Variants in SVEP1 observed in about 807,000 individuals in gnomAD.
SVEP1 encodes sushi, von Willebrand factor type A, EGF and pentraxin domain-containing protein 1.
Under a neutral mutation model 367.3 loss-of-function variants are expected in SVEP1, and 164 were observed. The ratio of observed to expected loss-of-function variants is 0.45; its 90% CI spans 0.39 to 0.51. The LOEUF is 0.51. SVEP1 is among the 20% of genes least tolerant of loss of function. The pLI is 0.00. For missense variants in SVEP1, 4,117 were observed against 4,425.3 expected, an observed-to-expected ratio of 0.93 and a Z score of 1.98; for synonymous variants, 1,666 against 1,611.6, an observed-to-expected ratio of 1.03 and a Z score of -0.81.
rs749231540 is a variant in SVEP1 at position 110,406,523 on chromosome 9, T to C, written c.9077A>G (p.Lys3026Arg). 2 of 1,613,596 alleles carry C rather than the reference T, an allele frequency of 1.2e-6. No homozygotes were observed. Among genetic ancestry groups the C allele is most frequent in the Admixed American group, 1.7e-5 (1 of 59,984 alleles). ...TTTGAAGCACTGAATCCGGGCTGCC[T>C]TTCCACAGTCAAAATCTGTCCCATT... ...TVNGTDFDCG[K>R]AARIQCFKGF... Residue 3026 changes from lysine to arginine, a missense_variant, in exon 38 of 48, where the codon AAG becomes AGG. Coordinates refer to ENST00000374469, the MANE Select transcript of SVEP1 (RefSeq NM_153366.4).
intron 17 of SVEP1, 97 bp downstream of exon 17, chr9:110,468,843 G>A (rs1828976192): frequency 8.0e-7 from 1 of 1,244,170 alleles, no homozygotes; most frequent in Non-Finnish European, 1.1e-6. Flanking sequence ...CCTCAGACAA[G>A]AGCCGAGTGT....
intron 24 of SVEP1, among the ~76,000 whole-genome samples, chr9:110,448,101 G>A (rs1163302265): frequency 2.6e-5 from 4 of 152,130 alleles, no homozygotes; most frequent in Admixed American, 6.5e-5. Flanking sequence ...ACTGCAGGAC[G>A]GTGATTACTG....
chr9:110,450,543 C>A (rs1828678155), intron 23 of SVEP1, among the ~76,000 whole-genome samples: 1 of 144,440 alleles, frequency 6.9e-6, no homozygotes, highest in Admixed American at 7.1e-5. Context: ...GATCTCGGCT[C>A]ACTGCAACTT....
In SVEP1 at chr9:110,496,760, T is replaced by A. The variant is rs895640247; in HGVS notation, c.1800+55A>T. The A allele has an allele frequency of 3.9e-6, 5 of 1,292,102 alleles. No homozygotes were observed. The African/African-American group carries it at 7.4e-5, about 19-fold the overall frequency. The allele number at this position is 1,292,102 out of a possible 1,614,324, so 80.0% of individuals were successfully genotyped here. The stretch of plus-strand genomic sequence containing the variant: ...TTAGTAAGTCTTCAACACACATATC[T>A]GCAGTATATTTAGAATTCATTTGAA... On this transcript the variant is annotated intron_variant, in intron 8 of 47. Transcript: ENST00000374469.
chr9:110,431,312 T>C (rs1778151004), intron 32 of SVEP1, among the ~76,000 whole-genome samples: 2 of 151,180 alleles, frequency 1.3e-5, no homozygotes, highest in Admixed American at 1.3e-4. Context: ...ATGTGCCTGA[T>C]ATAATATTAC....
chr9:110,492,851 A>C (rs2151685), intron 8 of SVEP1, among the ~76,000 whole-genome samples: 13,301 of 152,076 alleles, frequency 0.087, 803 homozygotes, highest in Admixed American at 0.11. Flanking sequence ...GATTCACCCC[A>C]ATGTGAGGAG....
In SVEP1 at chr9:110,429,983, G is replaced by T. The variant is rs201852381; in HGVS notation, c.5552C>A (p.Ala1851Asp). ...YCKAVSCGKP[A>D]IPENGCIEEL... is the part of the protein sequence containing the mutation. ...CTCAATGCAACCATTTTCTGGAATA[G>T]CCGGTTTACCACATGAAACAGCTTA... The change falls in exon 34 of 48, where the codon GCT (alanine) becomes GAT (aspartate). Residue 1851 changes from alanine (A) to aspartate (D), a missense_variant. By Grantham distance (126) the Ala-to-Asp change is moderately radical. Coordinates refer to ENST00000374469, the MANE Select transcript of SVEP1 (RefSeq NM_153366.4). 3.5e-4 allele frequency: 564 copies of T among 1,612,512 alleles called. No homozygotes were observed. The highest frequency in any genetic ancestry group is 4.6e-4 in the Non-Finnish European group (537 of 1,179,748).
chr9:110,449,343 T>TA (rs545077495), intron 24 of SVEP1, among the ~76,000 whole-genome samples: 13 of 149,184 alleles, frequency 8.7e-5, no homozygotes, highest in South Asian at 4.2e-4. Flanking sequence ...GTTACTAAAC[T>TA]AAAAAAAAAA....
At chr9:110,472,411 A>T in intron 14 of SVEP1, 88 bp from the exon 15 acceptor site, 5 of 1,294,906 alleles carry the variant, frequency 3.9e-6, no homozygotes, top group Non-Finnish European at 5.2e-6. Flanking sequence ...AAGTGAAATT[A>T]CACTTGACCA....
At chr9:110,511,110 A>G (rs1160353502) in intron 5 of SVEP1, among the ~76,000 whole-genome samples, 1 of 151,832 alleles carries the variant, frequency 6.6e-6, no homozygotes, top group Non-Finnish European at 1.5e-5. Context: ...TGAAATGGAC[A>G]CAGTTTTCTG....
intron 36 of SVEP1, among the ~76,000 whole-genome samples, chr9:110,423,775 G>A (rs1437509218): frequency 2.0e-5 from 3 of 151,740 alleles, no homozygotes; most frequent in Non-Finnish European, 4.4e-5. Context: ...TTGGTTTCCT[G>A]AAAATATAAG....
chr9:110,446,753 T>C, intron 25 of SVEP1, 147 bp downstream of exon 25: 1 of 572,182 alleles, frequency 1.7e-6, no homozygotes, highest in Non-Finnish European at 2.7e-6. Context: ...ACCTAGTTTG[T>C]TGGATGGCTG....
rs567061478 is a variant in SVEP1, at chr9:110,568,547, T to C, written c.531+10466A>G. 3.3e-5 allele frequency among the ~76,000 whole-genome samples: 5 copies of C among 152,198 alleles called. No individual in the cohort carries two copies. The East Asian group carries it at 9.6e-4, about 29-fold the overall frequency. On this transcript the variant is annotated intron_variant, in intron 1 of 47. Coordinates refer to ENST00000374469, the MANE Select transcript of SVEP1 (RefSeq NM_153366.4). ...ATATGTAGATAAATTGTGAATGCTC[T>C]ATGTTCAGAGAAAAAGGCCTGTGAA...
At chr9:110,403,119 CT>C (rs1827888236) in intron 39 of SVEP1, among the ~76,000 whole-genome samples, 1 of 151,914 alleles carries the variant, frequency 6.6e-6, no homozygotes, top group South Asian at 2.1e-4. Context: ...AAGTGAAAGT[CT>C]GCTATACTCT....
At chr9:110,475,908 C>G (rs371849664) in intron 14 of SVEP1, 3 of 231,654 alleles carry the variant, frequency 1.3e-5, no homozygotes, top group Non-Finnish European at 2.5e-5. Flanking sequence ...GACTTTATTA[C>G]TATTCTCTTT....
chr9:110,534,763 C>T (rs1337910217), intron 3 of SVEP1, among the ~76,000 whole-genome samples: 1 of 152,066 alleles, frequency 6.6e-6, no homozygotes, highest in Non-Finnish European at 1.5e-5. Flanking sequence ...ATTTGCATTT[C>T]TCTAATGATC....
At position 110,400,979 on chromosome 9, in the gene SVEP1, C is replaced by A. The variant is rs749478426; in HGVS notation, c.9697G>T (p.Asp3233Tyr). The change falls in exon 40 of 48, where the codon GAT (aspartate) becomes TAT (tyrosine). Residue 3233 changes from aspartate to tyrosine, a missense_variant. Coordinates refer to ENST00000374469, the MANE Select transcript of SVEP1 (RefSeq NM_153366.4). ...LDGTWEPPFSDESCSPVSCGK... is the reference protein window; with the variant it reads ...LDGTWEPPFSYESCSPVSCGK... The stretch of plus-strand genomic sequence containing the variant: ...CAAGAAACTGGACTGCAAGATTCAT[C>A]GGAGAATGGTGGCTCCCAGGTTCCA... 6 of 1,613,622 alleles carry A rather than the reference C, an allele frequency of 3.7e-6. No individual in the cohort carries two copies. The East Asian group carries it at 1.1e-4, about 30-fold the overall frequency.
chr9:110,382,546 G>C (rs1827453384), intron 43 of SVEP1, among the ~76,000 whole-genome samples: 1 of 152,014 alleles, frequency 6.6e-6, no homozygotes, highest in African/African-American at 2.4e-5. Context: ...ATGTGTCTTG[G>C]GGTTGATCTT....
At chr9:110,511,488 CTTTTTT>C (rs199993986) in intron 5 of SVEP1, among the ~76,000 whole-genome samples, 501 of 76,548 alleles carry the variant, frequency 6.5e-3, no homozygotes, top group Admixed American at 0.014. Flanking sequence ...GTGTCAGTAC[CTTTTTT>C]TTTTTTTTTT....
Sources: allele counts gnomAD v4.1 joint callset (sites outside exome capture counted in the v4.1 genomes callset), GRCh38; gene constraint gnomAD v4.1.1; transcripts MANE v1.5; gene names NCBI Gene and HGNC (gene_info 2026-07-23, HGNC 2026-07-21).